The following ETNK2 variants were observed in gnomAD, a reference collection of about 807,000 sequenced individuals.
ETNK2 encodes the protein ethanolamine kinase 2, also known as ethanolamine kinase-like protein.
Under a neutral mutation model 46.2 loss-of-function variants are expected in ETNK2, and 33 were observed. The observed-to-expected ratio is 0.71, with a 90% CI of 0.54 to 0.96. ETNK2 has a LOEUF of 0.96. ETNK2 is among the 40% of genes least tolerant of loss of function. The pLI, the probability that ETNK2 is intolerant of heterozygous loss-of-function variation, is 0.00. For synonymous variants in ETNK2, 194 were observed against 209.0 expected, an observed-to-expected ratio of 0.93 and a Z score of 0.62; for missense variants, 445 against 509.7, an observed-to-expected ratio of 0.87 and a Z score of 1.22.
chr1:204,135,690 A>C (rs1484653500), intron 6 of ETNK2, among the ~76,000 whole-genome samples: 1 of 152,246 alleles, frequency 6.6e-6, no homozygotes, highest in Non-Finnish European at 1.5e-5. Flanking sequence ...AGCAAGAGGA[A>C]GGCTTGTGCT....
At chr1:204,144,367 A>AAAAAAAAAAAAAAAAC (rs1657695865) in intron 3 of ETNK2, among the ~76,000 whole-genome samples, 1 of 150,210 alleles carries the variant, frequency 6.7e-6, no homozygotes, top group Non-Finnish European at 1.5e-5. Context: ...AAAAAAAAAA[A>AAAAAAAAAAAAAAAAC]AAGCCATTTC....
intron 2 of ETNK2, among the ~76,000 whole-genome samples, chr1:204,149,363 T>A (rs1657911545): frequency 6.6e-6 from 1 of 152,120 alleles, no homozygotes; most frequent in Non-Finnish European, 1.5e-5. Context: ...TGGCTCAGAT[T>A]TCATTTCTAA....
chr1:204,136,108 A>T (rs1032744608), intron 6 of ETNK2, among the ~76,000 whole-genome samples: 5 of 152,162 alleles, frequency 3.3e-5, no homozygotes, highest in African/African-American at 9.7e-5. Flanking sequence ...ATACACACAC[A>T]CATATAGCCA....
intron 7 of ETNK2, 30 bp from the exon 8 acceptor site, chr1:204,132,286 T>G: frequency 6.4e-7 from 1 of 1,551,980 alleles, no homozygotes; most frequent in Non-Finnish European, 8.7e-7. Flanking sequence ...AAGCTGGGTG[T>G]GAGGAAGAAA....
chr1:204,146,985 T>C (rs1447393913), intron 2 of ETNK2: 1 of 675,214 alleles, frequency 1.5e-6, no homozygotes, highest in Non-Finnish European at 2.8e-6. Context: ...GCTGCTCCCT[T>C]TCCAGTGCCA....
Position 204,151,915 on chromosome 1 carries a change from A to T in ETNK2, c.-63T>A. ...CTAGCCCCGGCGGGGGGGTCCGGCG[A>T]GGGAGTGGGAGTGGTAGAGGAGGGG... is the stretch of plus-strand genomic sequence containing the variant. On this transcript the variant is annotated 5_prime_UTR_variant, in exon 1 of 8. Transcript: ENST00000367202. This position sits in a 1 kb window ranked among gnomAD's most constrained non-coding sequence, Gnocchi z 8.0. The T allele has an allele frequency of 7.2e-7, 1 of 1,397,780 alleles. No individual in the cohort carries two copies. The highest frequency in any genetic ancestry group is 2.3e-4 in the Middle Eastern group (1 of 4,276). The allele number at this position is 1,397,780 out of a possible 1,614,324, so 86.6% of individuals were successfully genotyped here. A position where few individuals can be genotyped will look rare whatever the true frequency, so the allele number is the denominator to read the frequency against.
chr1:204,144,345 CAAAAAAAAAAA>C (rs141761706), intron 3 of ETNK2, among the ~76,000 whole-genome samples: 8 of 33,342 alleles, frequency 2.4e-4, no homozygotes, highest in South Asian at 2.3e-3. Context: ...GAATCCATCT[CAAAAAAAAAAA>C]AAAAAAAAAA....
intron 5 of ETNK2, chr1:204,138,956 G>T (rs1048919394): frequency 6.6e-6 from 1 of 152,230 alleles, no homozygotes; most frequent in Non-Finnish European, 1.5e-5. Flanking sequence ...CTCCCGGAAA[G>T]CTTCGCAGTC....
rs184021052 is a variant in ETNK2, at chr1:204,136,644, C to T, written c.1014+460G>A. ...AGGAAAATGGCTTGAACCTGAGAGG[C>T]GGAGGTTGCAGTGAGCCGAGATAGC... On this transcript the variant is annotated intron_variant, in intron 6 of 7. Coordinates refer to ENST00000367202, the MANE Select transcript of ETNK2 (RefSeq NM_018208.4). Among the ~76,000 whole-genome samples, 951 of 146,988 alleles carry T rather than the reference C, an allele frequency of 6.5e-3. 7 individuals carry two copies. The highest frequency in any genetic ancestry group is 0.023 in the African/African-American group (899 of 39,884).
At chr1:204,145,974 C>A (rs1657763797) in intron 3 of ETNK2, among the ~76,000 whole-genome samples, 1 of 152,170 alleles carries the variant, frequency 6.6e-6, no homozygotes, top group Non-Finnish European at 1.5e-5. Context: ...TAAGGGAAAA[C>A]TCAGGGAACC....
At chr1:204,140,900 G>C in intron 4 of ETNK2, 2 of 332,070 alleles carry the variant, frequency 6.0e-6, no homozygotes, top group Non-Finnish European at 1.2e-5. Context: ...ATGGCTCACT[G>C]CAGCCTCCAC....
In ETNK2 at chr1:204,141,448, T is replaced by C. The variant is rs937339161; in HGVS notation, c.651A>G (p.Ala217=). Residue 217 remains alanine, a synonymous_variant, in exon 4 of 8, where the codon GCA becomes GCG. Coordinates refer to ENST00000367202, the MANE Select transcript of ETNK2 (RefSeq NM_018208.4). ...CCAACACCTCTACCTTAGGGACATC[T>C]GCAGAAAGGCTGGGCAGTGGCAAAA... ...VKNEINPSLS[A]DVPKVEVLER... is the part of the protein sequence containing the mutation. The C allele has an allele frequency of 1.3e-6, 2 of 1,593,070 alleles. No homozygotes were observed. Among genetic ancestry groups the C allele is most frequent in the African/African-American group, 2.7e-5 (2 of 74,454 alleles).
chr1:204,147,472 G>A (rs764884647), intron 2 of ETNK2: 3 of 533,392 alleles, frequency 5.6e-6, no homozygotes, highest in South Asian at 4.2e-5. Flanking sequence ...GTCAGAGAAG[G>A]AGGGCCTTGA....
In ETNK2 at chr1:204,137,198, T is replaced by TGCAGCTGGGTCTCCCGCGCCG; in HGVS notation, c.899_919dup (p.Pro300_Leu306dup). 6.2e-7 allele frequency: 1 copy of TGCAGCTGGGTCTCCCGCGCCG among 1,613,968 alleles called. No individual in the cohort carries two copies. The highest frequency in any genetic ancestry group is 1.1e-5 in the South Asian group (1 of 91,080). ...TGCCTGCAGGTAGTAGTGCAGCCAC[T>TGCAGCTGGGTCTCCCGCGCCG]GCAGCTGGGTCTCCCGCGCCGGGTA... On this transcript the variant is annotated inframe_insertion, in exon 6 of 8. Coordinates refer to ENST00000367202, the MANE Select transcript of ETNK2 (RefSeq NM_018208.4).
Position 204,150,031 on chromosome 1 carries a change from C to T in ETNK2, c.259-69G>A, listed in dbSNP as rs374860988. On this transcript the variant is annotated intron_variant, in intron 1 of 7. Transcript: ENST00000367202. ...GGATCTCTCTGGTCTCTCTCCTGGG[C>T]TCTGTAGCTCCAGCAGGAGGTGCTC... 1.7e-4 allele frequency: 252 copies of T among 1,483,074 alleles called. 4 individuals are homozygous for T. In the East Asian group the frequency reaches 5.0e-3, roughly 29 times the overall value. 91.9% of individuals were successfully genotyped at this position (1,483,074 alleles called of 1,614,324 possible). A position where few individuals can be genotyped will look rare whatever the true frequency, so the allele number is the denominator to read the frequency against.
At chr1:204,135,614 T>C (rs1372371671) in intron 6 of ETNK2, among the ~76,000 whole-genome samples, 2 of 152,076 alleles carry the variant, frequency 1.3e-5, no homozygotes, top group African/African-American at 2.4e-5. Context: ...CTCCACTTTA[T>C]TTCCTTTCCA....
intron 3 of ETNK2, among the ~76,000 whole-genome samples, chr1:204,144,203 G>A (rs1401370015): frequency 3.3e-5 from 5 of 151,730 alleles, no homozygotes; most frequent in East Asian, 3.9e-4. Context: ...AAAATTAGCC[G>A]GGCGTGGTGG....
At chr1:204,139,775 C>T (rs1373015989) in intron 5 of ETNK2, among the ~76,000 whole-genome samples, 5 of 152,170 alleles carry the variant, frequency 3.3e-5, no homozygotes, top group Non-Finnish European at 5.9e-5. Context: ...TACTACACAC[C>T]TAGGCTGCAT....
chr1:204,140,580 A>G (rs1198141034), intron 4 of ETNK2, among the ~76,000 whole-genome samples: 2 of 151,362 alleles, frequency 1.3e-5, no homozygotes, highest in African/African-American at 2.4e-5. Flanking sequence ...GCTGGAGTAC[A>G]GTGGCATGAT....
Sources: gnomAD v4.1 joint callset for allele counts (sites outside exome capture counted in the v4.1 genomes callset) on GRCh38, gnomAD v4.1.1 for gene constraint, Gnocchi (gnomAD v3.1) non-coding constraint, MANE v1.5 for transcripts, NCBI Gene and HGNC (gene_info 2026-07-23, HGNC 2026-07-21) for gene names.